The following CAPRIN2 variants were observed in gnomAD, a reference collection of about 807,000 sequenced individuals.
CAPRIN2 encodes the protein caprin family member 2.
In CAPRIN2, 66 loss-of-function variants were observed where a neutral mutation model predicts 130.4. The observed-to-expected ratio is 0.51, with a 90% CI of 0.42 to 0.62. The LOEUF (loss-of-function observed/expected upper bound fraction) is 0.62, where lower values mean the gene tolerates loss of function less well. Among genes scored for constraint, CAPRIN2 ranks in the 20% least tolerant of loss-of-function variants. The probability of loss-of-function intolerance (pLI) is 0.00; values close to 1 mark genes in which losing one functional copy is unlikely to be tolerated. For missense variants in CAPRIN2, 1,185 were observed against 1,246.6 expected (o/e 0.95, Z 0.74); for synonymous variants, 471 against 444.1 (o/e 1.06, Z -0.76).
intron 15 of CAPRIN2, 109 bp downstream of exon 17, chr12:30,713,676 T>G (rs1206661999): frequency 1.6e-5 from 10 of 629,656 alleles, no homozygotes; most frequent in Non-Finnish European, 2.8e-5. Context: ...GTTTTAAAAC[T>G]AAGAGTGCAC....
chr12:30,729,227 T>C, exon 8 of CAPRIN2: 2 of 1,613,208 alleles, frequency 1.2e-6, no homozygotes, highest in East Asian at 2.2e-5. Context: ...CCCAACGTTT[T>C]GGGAGATTTG....
chr12:30,717,727 T>C (rs1049174878), intron 12 of CAPRIN2, among the ~76,000 whole-genome samples: 2 of 152,134 alleles, frequency 1.3e-5, no homozygotes, highest in Admixed American at 1.3e-4. Flanking sequence ...TAAGGGGTCT[T>C]TTTTTCAAAA....
chr12:30,741,016 T>A lies in CAPRIN2; in HGVS notation c.570+4A>T. ...TTCAGGAAAAGCAAAGAAAACATAC[T>A]CACATCTAGGCTCAACCCAGAAAAG... On this transcript the variant is annotated splice_donor_region_variant and intron_variant, in intron 3 of 16. Transcript: ENST00000298892. The A allele has an allele frequency of 6.3e-7, 1 of 1,585,474 alleles. No individual in the cohort carries two copies. The highest frequency in any genetic ancestry group is 8.6e-7 in the Non-Finnish European group (1 of 1,160,318).
chr12:30,751,446 C>T (rs1037749445), intron 1 of CAPRIN2: 2 of 254,352 alleles, frequency 7.9e-6, no homozygotes, highest in South Asian at 5.6e-5. Flanking sequence ...GTCCCCAACA[C>T]AGTAGCTTCT....
intron 3 of CAPRIN2, among the ~76,000 whole-genome samples, chr12:30,737,416 A>G (rs953908913): frequency 3.3e-5 from 5 of 152,114 alleles, no homozygotes; most frequent in Non-Finnish European, 7.3e-5. Context: ...ATAAAATCAA[A>G]TATCAGGAAA....
intron 3 of CAPRIN2, among the ~76,000 whole-genome samples, chr12:30,736,642 A>G (rs1003991599): frequency 8.5e-5 from 13 of 152,316 alleles, no homozygotes; most frequent in African/African-American, 2.9e-4. Flanking sequence ...AAGATATAAA[A>G]TTTTCAGAAT....
At position 30,710,550 on chromosome 12, in the gene CAPRIN2, A is replaced by G; in HGVS notation, c.2666-80T>C. The G allele has an allele frequency of 3.8e-6, 6 of 1,583,748 alleles. No individual in the cohort carries two copies. The highest frequency in any genetic ancestry group is 5.1e-6 in the Non-Finnish European group (6 of 1,167,628). ...AATATTTAACATTAGTCGGCTACTGAAACAGACAAAGATACATTTTATAGT... is the reference window on the plus strand; with the variant it reads ...AATATTTAACATTAGTCGGCTACTGGAACAGACAAAGATACATTTTATAGT... On this transcript the variant is annotated intron_variant, in intron 16 of 16. Coordinates refer to ENST00000298892, the Ensembl canonical transcript of CAPRIN2. The surrounding 1 kb of genome is among the most constrained non-coding windows in gnomAD (Gnocchi z 4.8).
chr12:30,721,023 G>T, intron 11 of CAPRIN2, 108 bp from the exon 13 acceptor site: 1 of 728,002 alleles, frequency 1.4e-6, no homozygotes, highest in South Asian at 1.5e-5. Context: ...ACGCACATGT[G>T]TCAAGCACTC....
chr12:30,729,117 G>A (rs1261326015), exon 8 of CAPRIN2: 2 of 1,614,018 alleles, frequency 1.2e-6, no homozygotes, highest in East Asian at 2.2e-5. Flanking sequence ...CTGTTCTAAG[G>A]AAACTGCAGG....
intron 2 of CAPRIN2, among the ~76,000 whole-genome samples, chr12:30,742,351 G>A (rs2067882681): frequency 6.6e-6 from 1 of 151,914 alleles, no homozygotes. Context: ...CAATAATTTT[G>A]GAAAACAGTT....
At chr12:30,723,453 CTATTAGAGTTT>C in intron 10 of CAPRIN2, 139 bp from the exon 12 acceptor site, 1 of 603,756 alleles carries the variant, frequency 1.7e-6, no homozygotes, top group Non-Finnish European at 2.9e-6. Context: ...CATGCACTTT[CTATTAGAGTTT>C]TAACAAGAGA....
intron 2 of CAPRIN2, among the ~76,000 whole-genome samples, chr12:30,745,823 A>G (rs911869464): frequency 1.3e-5 from 2 of 152,188 alleles, no homozygotes; most frequent in Non-Finnish European, 2.9e-5. Context: ...TAAACTAAGG[A>G]AAGAAAACCA....
intron 5 of CAPRIN2, among the ~76,000 whole-genome samples, chr12:30,732,283 A>T (rs903066697): frequency 6.6e-6 from 1 of 152,048 alleles, no homozygotes; most frequent in Non-Finnish European, 1.5e-5. Flanking sequence ...TCCCAAACTT[A>T]GCAGAGTTTC....
chr12:30,748,229 C>T (rs2071717043), intron 2 of CAPRIN2, among the ~76,000 whole-genome samples: 1 of 152,198 alleles, frequency 6.6e-6, no homozygotes, highest in Non-Finnish European at 1.5e-5. Context: ...CTAACAGCAT[C>T]ACATACTACA....
chr12:30,731,674 T>C (rs2062737718), intron 5 of CAPRIN2, among the ~76,000 whole-genome samples, 164 bp from the exon 7 acceptor site: 1 of 152,138 alleles, frequency 6.6e-6, no homozygotes, highest in Non-Finnish European at 1.5e-5. Flanking sequence ...ACTTTCATGG[T>C]ACTGACTGGA....
At chr12:30,723,572 A>T (rs1387407202) in intron 10 of CAPRIN2, among the ~76,000 whole-genome samples, 1 of 152,198 alleles carries the variant, frequency 6.6e-6, no homozygotes, top group African/African-American at 2.4e-5. Flanking sequence ...CTTCCAAAAG[A>T]AAAGAACTAA....
chr12:30,753,058 C>T (rs551581170), intron 1 of CAPRIN2, among the ~76,000 whole-genome samples: 16 of 152,306 alleles, frequency 1.1e-4, no homozygotes, highest in South Asian at 1.0e-3. Flanking sequence ...TGAAAAGAAA[C>T]ATTAATACTA....
chr12:30,741,318 A>T (rs377271706), intron 2 of CAPRIN2, among the ~76,000 whole-genome samples: 71 of 152,250 alleles, frequency 4.7e-4, no homozygotes, highest in African/African-American at 1.7e-3. Context: ...TAATGCCAGA[A>T]ATTCAATTTT....
chr12:30,726,531 T>A (rs1186060579), intron 8 of CAPRIN2, among the ~76,000 whole-genome samples: 1 of 152,148 alleles, frequency 6.6e-6, no homozygotes, highest in Non-Finnish European at 1.5e-5. Flanking sequence ...TATAAGTACA[T>A]ACATACACAT....
Sources: allele counts gnomAD v4.1 joint callset (sites outside exome capture counted in the v4.1 genomes callset), GRCh38; gene constraint gnomAD v4.1.1; non-coding constraint Gnocchi (gnomAD v3.1); transcripts MANE v1.5; gene names NCBI Gene and HGNC (gene_info 2026-07-23, HGNC 2026-07-21).